KCNJ3: variants seen among roughly 807,000 people sequenced by gnomAD.
KCNJ3 encodes the protein potassium inwardly rectifying channel subfamily J member 3.
Under a neutral mutation model 39.2 loss-of-function variants are expected in KCNJ3, and 4 were observed. The ratio of observed to expected loss-of-function variants is 0.10; its 90% CI spans 0.05 to 0.23. The LOEUF is 0.23. Ranked by LOEUF, KCNJ3 falls within the 10% of genes least tolerant of loss-of-function variation. The probability of loss-of-function intolerance (pLI) is 1.00; values close to 1 mark genes in which losing one functional copy is unlikely to be tolerated. For synonymous variants in KCNJ3, 230 were observed against 237.4 expected (o/e 0.97, Z 0.29); for missense variants, 276 against 634.9 (o/e 0.43, Z 6.08).
At chr2:154,751,215 G>A (rs1483185824) in intron 2 of KCNJ3, among the ~76,000 whole-genome samples, 1 of 151,816 alleles carries the variant, frequency 6.6e-6, no homozygotes, top group Non-Finnish European at 1.5e-5. Flanking sequence ...TATTTGAAAT[G>A]GAAGTTTAGC....
At chr2:154,821,586 C>T (rs1156995542) in intron 2 of KCNJ3, among the ~76,000 whole-genome samples, 1 of 148,378 alleles carries the variant, frequency 6.7e-6, no homozygotes, top group African/African-American at 2.5e-5. Flanking sequence ...AGTGACTGAG[C>T]AGATATGCTA....
At chr2:154,737,625 C>A (rs1002453865) in intron 2 of KCNJ3, among the ~76,000 whole-genome samples, 4 of 152,094 alleles carry the variant, frequency 2.6e-5, no homozygotes, top group Admixed American at 2.6e-4. Flanking sequence ...TGAAAATACT[C>A]CAACCAAGCT....
intron 2 of KCNJ3, among the ~76,000 whole-genome samples, chr2:154,806,689 G>C (rs1686916155): frequency 6.6e-6 from 1 of 152,260 alleles, no homozygotes; most frequent in South Asian, 2.1e-4. Context: ...TTCACATCAT[G>C]TGTAAGGCTA....
rs1687131361 is a variant in KCNJ3, at chr2:154,819,312, A to G, written c.920-35415A>G. The stretch of plus-strand genomic sequence containing the variant: ...TTTTATTGTTAGGGTTTGCAAACAA[A>G]CACAAATGTGGAGATGATGTTATAG... On this transcript the variant is annotated intron_variant, in intron 2 of 2. Transcript: ENST00000295101. Among the ~76,000 whole-genome samples the G allele has an allele frequency of 2.6e-5, 4 of 152,230 alleles. No individual in the cohort carries two copies. The South Asian group carries it at 8.3e-4, about 32-fold the overall frequency.
chr2:154,770,336 T>G (rs1323134243), intron 2 of KCNJ3, among the ~76,000 whole-genome samples: 1 of 152,204 alleles, frequency 6.6e-6, no homozygotes, highest in Admixed American at 6.5e-5. Flanking sequence ...GTAGAATTCA[T>G]GTTGATGGAA....
intron 2 of KCNJ3, among the ~76,000 whole-genome samples, chr2:154,724,839 T>G (rs1685323466): frequency 1.4e-5 from 2 of 146,800 alleles, no homozygotes; most frequent in Admixed American, 1.4e-4. Flanking sequence ...ATATTTATAT[T>G]TATACTTATA....
intron 1 of KCNJ3, 143 bp from the exon 2 acceptor site, chr2:154,709,460 A>G (rs1477437821): frequency 1.3e-6 from 1 of 795,728 alleles, no homozygotes; most frequent in Non-Finnish European, 2.0e-6. Flanking sequence ...TTGCTAGAAC[A>G]TAGTTGCATA....
Position 154,699,508 on chromosome 2 carries a change from A to T in KCNJ3, c.702+31A>T, listed in dbSNP as rs1684847998. 1.3e-6 allele frequency: 2 copies of T among 1,530,928 alleles called. No homozygotes were observed. The highest frequency in any genetic ancestry group is 1.8e-6 in the Non-Finnish European group (2 of 1,142,656). The allele number at this position is 1,530,928 out of a possible 1,614,324, so 94.8% of individuals were successfully genotyped here. A position where few individuals can be genotyped will look rare whatever the true frequency, so the allele number is the denominator to read the frequency against. On this transcript the variant is annotated intron_variant, in intron 1 of 2. Coordinates refer to ENST00000295101, the MANE Select transcript of KCNJ3 (RefSeq NM_002239.4). The surrounding 1 kb of genome is among the most constrained non-coding windows in gnomAD (Gnocchi z 6.4). ...TGCTCCCCGCCCCTTCCCCACCGGGAGACCTGCGTCCCCCAAACCCGCGGA... is the reference window on the plus strand; with the variant it reads ...TGCTCCCCGCCCCTTCCCCACCGGGTGACCTGCGTCCCCCAAACCCGCGGA...
rs530554786 is a variant in KCNJ3, at chr2:154,856,528, C to A, written c.*1215C>A. 32 of 152,222 alleles carry A rather than the reference C, an allele frequency of 2.1e-4. No homozygotes were observed. The highest frequency in any genetic ancestry group is 5.9e-4 in the Admixed American group (9 of 15,280). The allele number at this position is 152,222 out of a possible 1,614,324, so 9.4% of individuals were successfully genotyped here. A position where few individuals can be genotyped will look rare whatever the true frequency, so the allele number is the denominator to read the frequency against. On this transcript the variant is annotated 3_prime_UTR_variant, in exon 3 of 3. Coordinates refer to ENST00000295101, the MANE Select transcript of KCNJ3 (RefSeq NM_002239.4). ...ATGGCATTTGTTGTAACAGGATAGA[C>A]TTTTTCCTCACCTAGGAAACCTATC...
chr2:154,700,811 T>C (rs1286629452), intron 1 of KCNJ3, among the ~76,000 whole-genome samples: 1 of 152,202 alleles, frequency 6.6e-6, no homozygotes, highest in East Asian at 1.9e-4. Flanking sequence ...CAGTAAAGTG[T>C]TTAAATTAAA....
intron 2 of KCNJ3, among the ~76,000 whole-genome samples, chr2:154,806,894 G>C (rs1381726150): frequency 6.6e-6 from 1 of 152,090 alleles, no homozygotes; most frequent in Non-Finnish European, 1.5e-5. Context: ...AACTAATCCA[G>C]GTACACCAGG....
chr2:154,764,770 TC>T (rs1223246934), intron 2 of KCNJ3, among the ~76,000 whole-genome samples: 1 of 151,670 alleles, frequency 6.6e-6, no homozygotes, highest in Non-Finnish European at 1.5e-5. Context: ...GTGTTGGACC[TC>T]ATTCAAAGCC....
At chr2:154,850,505 G>A (rs956005899) in intron 2 of KCNJ3, among the ~76,000 whole-genome samples, 1 of 152,024 alleles carries the variant, frequency 6.6e-6, no homozygotes, top group South Asian at 2.1e-4. Context: ...TCTTATCTTA[G>A]TTCATTGTCT....
chr2:154,847,716 T>C lies in KCNJ3; in HGVS notation c.920-7011T>C, dbSNP rs138251590. On this transcript the variant is annotated intron_variant, in intron 2 of 2. Transcript: ENST00000295101. ...AGTTTACATATGTCACTTAATTTCA[T>C]TTAATTCTCACAATCTTCTTTTAAA... Among the ~76,000 whole-genome samples, 8 of 152,360 alleles carry C rather than the reference T, an allele frequency of 5.3e-5. 1 individual carries two copies. The East Asian group carries it at 1.5e-3, about 29-fold the overall frequency.
intron 2 of KCNJ3, among the ~76,000 whole-genome samples, chr2:154,749,724 G>A (rs760286862): frequency 3.3e-5 from 5 of 151,996 alleles, no homozygotes; most frequent in African/African-American, 4.8e-5. Flanking sequence ...TGAGGGAGTC[G>A]TAGTGAGTGC....
intron 2 of KCNJ3, among the ~76,000 whole-genome samples, chr2:154,728,097 TA>T (rs1467352607): frequency 6.6e-6 from 1 of 152,060 alleles, no homozygotes; most frequent in African/African-American, 2.4e-5. Flanking sequence ...AGTATTTCAT[TA>T]AATTCTATTT....
In KCNJ3 at chr2:154,855,517, C is replaced by A. The variant is rs535624240; in HGVS notation, c.*204C>A. The stretch of plus-strand genomic sequence containing the variant: ...GAGGACATCATAAGGAAGTTATTAA[C>A]GGGCATGTATTATCACATCAAGCAT... On this transcript the variant is annotated 3_prime_UTR_variant, in exon 3 of 3. Coordinates refer to ENST00000295101, the MANE Select transcript of KCNJ3 (RefSeq NM_002239.4). 2.0e-6 allele frequency: 1 copy of A among 503,282 alleles called. No individual in the cohort carries two copies. Among genetic ancestry groups the A allele is most frequent in the Non-Finnish European group, 3.5e-6 (1 of 284,564 alleles). 31.2% of individuals were successfully genotyped at this position (503,282 alleles called of 1,614,324 possible). A position where few individuals can be genotyped will look rare whatever the true frequency, so the allele number is the denominator to read the frequency against.
chr2:154,850,228 C>T (rs1033467022), intron 2 of KCNJ3, among the ~76,000 whole-genome samples: 1 of 151,158 alleles, frequency 6.6e-6, no homozygotes, highest in Non-Finnish European at 1.5e-5. Flanking sequence ...CTCATAGTAC[C>T]CTTTGAATAA....
At chr2:154,818,151 A>G (rs1687113478) in intron 2 of KCNJ3, among the ~76,000 whole-genome samples, 1 of 152,126 alleles carries the variant, frequency 6.6e-6, no homozygotes, top group African/African-American at 2.4e-5. Context: ...ATATGGGTAT[A>G]TATGGTATGA....
Sources: gnomAD v4.1 joint callset for allele counts (sites outside exome capture counted in the v4.1 genomes callset) on GRCh38, gnomAD v4.1.1 for gene constraint, Gnocchi (gnomAD v3.1) non-coding constraint, MANE v1.5 for transcripts, NCBI Gene and HGNC (gene_info 2026-07-23, HGNC 2026-07-21) for gene names.